Variants in CARNMT1 observed in about 807,000 individuals in gnomAD.
CARNMT1 encodes carnosine N-methyltransferase 1.
A neutral mutation model predicts 49.6 loss-of-function variants in CARNMT1; 28 were observed. The ratio of observed to expected loss-of-function variants is 0.56; its 90% CI spans 0.42 to 0.77. The LOEUF is 0.77. CARNMT1 is among the 30% of genes least tolerant of loss of function. The pLI, the probability that CARNMT1 is intolerant of heterozygous loss-of-function variation, is 0.00. For missense variants in CARNMT1, 421 were observed against 512.6 expected (o/e 0.82, Z 1.73); for synonymous variants, 178 against 175.0 (o/e 1.02, Z -0.13).
At chr9:75,009,025 A>C (rs1833604351) in intron 3 of CARNMT1, among the ~76,000 whole-genome samples, 2 of 151,002 alleles carry the variant, frequency 1.3e-5, no homozygotes, top group African/African-American at 4.9e-5. Context: ...ATTTTCAACG[A>C]GTCTACCAAG....
chr9:74,994,719 C>CT lies in CARNMT1; in HGVS notation c.1024+1727dup, dbSNP rs377195956. Among the ~76,000 whole-genome samples, 1,342 of 148,690 alleles carry CT rather than the reference C, an allele frequency of 9.0e-3. 16 individuals are homozygous for CT. Among genetic ancestry groups the CT allele is most frequent in the African/African-American group, 0.03 (1,237 of 40,650 alleles). On this transcript the variant is annotated intron_variant, in intron 6 of 7. Coordinates refer to ENST00000376834, the MANE Select transcript of CARNMT1 (RefSeq NM_152420.3). ...ATTTAAAAGAAAGCTGATTCTGAGA[C>CT]TTTTTTTTTTACATTCTTTAACTTA... is the stretch of plus-strand genomic sequence containing the variant.
chr9:75,020,495 T>C (rs1281830597), intron 1 of CARNMT1, among the ~76,000 whole-genome samples: 1 of 152,094 alleles, frequency 6.6e-6, no homozygotes, highest in African/African-American at 2.4e-5. Flanking sequence ...CTCGATCTCT[T>C]GACCTCGTGA....
intron 1 of CARNMT1, chr9:75,027,062 A>T: frequency 7.7e-7 from 1 of 1,303,952 alleles, no homozygotes; most frequent in Non-Finnish European, 1.0e-6. Context: ...CCTGCGTAGG[A>T]GGTCATGTCT....
Position 75,021,537 on chromosome 9 carries a change from T to C in CARNMT1, c.231-4089A>G, listed in dbSNP as rs1163874955. 2.7e-5 allele frequency among the ~76,000 whole-genome samples: 4 copies of C among 150,828 alleles called. No individual in the cohort carries two copies. The Admixed American group carries it at 2.7e-4, about 10-fold the overall frequency. On this transcript the variant is annotated intron_variant, in intron 1 of 7. Coordinates refer to ENST00000376834, the MANE Select transcript of CARNMT1 (RefSeq NM_152420.3). The stretch of plus-strand genomic sequence containing the variant: ...ATATCTCATTTATATTACTAAAATG[T>C]TCAAAGCATGAACAATGTAGAAATT...
At chr9:75,009,482 T>C (rs71507893) in intron 3 of CARNMT1, among the ~76,000 whole-genome samples, 1 of 152,082 alleles carries the variant, frequency 6.6e-6, no homozygotes, top group Non-Finnish European at 1.5e-5. Context: ...ACTACTCTGA[T>C]GCAGGAAAAA....
intron 7 of CARNMT1, among the ~76,000 whole-genome samples, chr9:74,984,322 A>C (rs781728514): frequency 1.3e-5 from 2 of 152,008 alleles, no homozygotes; most frequent in Non-Finnish European, 2.9e-5. Context: ...CCCAGAGCCT[A>C]CTCTACTTTC....
intron 1 of CARNMT1, among the ~76,000 whole-genome samples, chr9:75,023,899 GT>G (rs1479332222): frequency 6.6e-6 from 1 of 152,204 alleles, no homozygotes; most frequent in Non-Finnish European, 1.5e-5. Flanking sequence ...CTTTGAAGGA[GT>G]ATTTTACAAA....
intron 3 of CARNMT1, among the ~76,000 whole-genome samples, chr9:75,014,857 A>C (rs933347237): frequency 1.3e-5 from 2 of 151,882 alleles, no homozygotes; most frequent in Admixed American, 1.3e-4. Context: ...TAAATAAATA[A>C]TAATCAATAA....
chr9:75,020,030 A>C (rs934582045), intron 1 of CARNMT1, among the ~76,000 whole-genome samples: 4 of 152,234 alleles, frequency 2.6e-5, no homozygotes, highest in African/African-American at 7.2e-5. Flanking sequence ...TTAGGGACTG[A>C]GCATATGTGG....
At chr9:75,006,417 G>A (rs1389132954) in intron 3 of CARNMT1, among the ~76,000 whole-genome samples, 1 of 152,064 alleles carries the variant, frequency 6.6e-6, no homozygotes, top group Non-Finnish European at 1.5e-5. Flanking sequence ...TAATATTGAT[G>A]CAGCCTTTAC....
intron 3 of CARNMT1, 65 bp from the exon 4 acceptor site, chr9:74,999,935 A>G: frequency 6.7e-7 from 1 of 1,483,480 alleles, no homozygotes; most frequent in Non-Finnish European, 9.1e-7. Context: ...CAAAATCCAC[A>G]TTAACAACTA....
At chr9:74,987,053 G>C (rs1373950217) in intron 6 of CARNMT1, among the ~76,000 whole-genome samples, 1 of 152,158 alleles carries the variant, frequency 6.6e-6, no homozygotes, top group Non-Finnish European at 1.5e-5. Flanking sequence ...CCCTTACAAA[G>C]ATGTTTCTTG....
rs1822576889 is a variant in CARNMT1 at position 75,027,882 on chromosome 9, G to T, written c.230+130C>A. 6.6e-6 allele frequency: 7 copies of T among 1,063,968 alleles called. No individual in the cohort carries two copies. In the Middle Eastern group the frequency reaches 9.8e-4, roughly 148 times the overall value. The allele number at this position is 1,063,968 out of a possible 1,614,324, so 65.9% of individuals were successfully genotyped here. A position where few individuals can be genotyped will look rare whatever the true frequency, so the allele number is the denominator to read the frequency against. ...GAGGTGACTCGGGGCCCGGAGGTCA[G>T]CTGCAGCAGCCGGGTCCCGACGCCT... On this transcript the variant is annotated intron_variant, in intron 1 of 7. Transcript: ENST00000376834.
intron 1 of CARNMT1, among the ~76,000 whole-genome samples, chr9:75,026,003 T>A (rs1003783294): frequency 6.6e-6 from 1 of 152,242 alleles, no homozygotes; most frequent in Non-Finnish European, 1.5e-5. Context: ...AATATTAGAA[T>A]GTAACAATCC....
intron 3 of CARNMT1, among the ~76,000 whole-genome samples, chr9:75,004,757 C>T (rs1833454464): frequency 6.6e-6 from 1 of 151,916 alleles, no homozygotes; most frequent in African/African-American, 2.4e-5. Flanking sequence ...AAAGAAAAAA[C>T]GAATTCAACC....
intron 1 of CARNMT1, among the ~76,000 whole-genome samples, chr9:75,023,328 C>A (rs1822432932): frequency 6.6e-6 from 1 of 152,126 alleles, no homozygotes; most frequent in South Asian, 2.1e-4. Context: ...TTCAATATCT[C>A]CGTATTTCAG....
intron 1 of CARNMT1, among the ~76,000 whole-genome samples, chr9:75,024,113 A>C (rs1822454757): frequency 6.6e-6 from 1 of 152,194 alleles, no homozygotes; most frequent in Non-Finnish European, 1.5e-5. Context: ...ACCAGGTCTG[A>C]TCTAAAGGCC....
At chr9:75,024,341 A>T (rs989993353) in intron 1 of CARNMT1, among the ~76,000 whole-genome samples, 1 of 152,184 alleles carries the variant, frequency 6.6e-6, no homozygotes. Context: ...ATTCTACCAC[A>T]ACTGGATTGT....
chr9:75,028,410 G>A (rs1191246762), upstream of CARNMT1: 2 of 1,289,962 alleles, frequency 1.6e-6, no homozygotes, highest in African/African-American at 1.6e-5. Flanking sequence ...GCTCCGCCAG[G>A]TCTTCAGGGC....
Sources: allele counts gnomAD v4.1 joint callset (sites outside exome capture counted in the v4.1 genomes callset), GRCh38; gene constraint gnomAD v4.1.1; transcripts MANE v1.5; gene names NCBI Gene and HGNC (gene_info 2026-07-23, HGNC 2026-07-21).